DEPDC4: variants seen among roughly 807,000 people sequenced by gnomAD.
DEPDC4 encodes DEP domain-containing protein 4.
A neutral mutation model predicts 52.0 loss-of-function variants in DEPDC4; 52 were observed. The ratio of observed to expected loss-of-function variants is 1.00; its 90% CI spans 0.80 to 1.26. The LOEUF (loss-of-function observed/expected upper bound fraction) is 1.26, where lower values mean the gene tolerates loss of function less well. Among genes scored for constraint, DEPDC4 ranks in the 50% most tolerant of loss-of-function variants. The pLI, the probability that DEPDC4 is intolerant of heterozygous loss-of-function variation, is 0.00. For synonymous variants in DEPDC4, 201 were observed against 196.8 expected (o/e 1.02, Z -0.18); for missense variants, 530 against 546.9 (o/e 0.97, Z 0.31).
At chr12:100,244,138 C>CACAG (rs2096174672) in intron 8 of DEPDC4, among the ~76,000 whole-genome samples, 1 of 98,748 alleles carries the variant, frequency 1.0e-5, no homozygotes, top group African/African-American at 3.7e-5. Context: ...TATATATACA[C>CACAG]AAAATACAAT....
intron 3 of DEPDC4, among the ~76,000 whole-genome samples, chr12:100,259,079 A>ATATATATATATATATATAT (rs1407814890): frequency 5.0e-5 from 7 of 139,584 alleles, no homozygotes; most frequent in Non-Finnish European, 1.1e-4. Flanking sequence ...TCAAAAAAAA[A>ATATATATATATATATATAT]AAATATATAT....
At chr12:100,280,033 G>T in the DEPDC4 span, among the ~76,000 whole-genome samples, 2 of 152,150 alleles carry the variant, frequency 1.3e-5, no homozygotes, top group Non-Finnish European at 2.9e-5. Flanking sequence ...TTGGAATTCT[G>T]CTCTATGCTC....
chr12:100,272,209 A>C, the DEPDC4 span, among the ~76,000 whole-genome samples: 2 of 152,216 alleles, frequency 1.3e-5, no homozygotes, highest in African/African-American at 2.4e-5. Flanking sequence ...TACAATGAGA[A>C]ATGCCTTACA....
Position 100,252,317 on chromosome 12 carries a change from T to C in DEPDC4, c.1249-16A>G. 1.3e-6 allele frequency: 2 copies of C among 1,493,570 alleles called. No individual in the cohort carries two copies. Among genetic ancestry groups the C allele is most frequent in the East Asian group, 2.5e-5 (1 of 39,330 alleles). 92.5% of individuals were successfully genotyped at this position (1,493,570 alleles called of 1,614,324 possible). ...TATTATCATACTGTAAACAGAAAGATTAACATTAGCATAAATGGTTTTTAG... is the reference window on the plus strand; with the variant it reads ...TATTATCATACTGTAAACAGAAAGACTAACATTAGCATAAATGGTTTTTAG... On this transcript the variant is annotated splice_polypyrimidine_tract_variant and intron_variant, in intron 6 of 9. Coordinates refer to ENST00000550587, the MANE Select transcript of DEPDC4 (RefSeq NM_001364818.2).
At chr12:100,250,292 T>G (rs1043690165) in intron 7 of DEPDC4, among the ~76,000 whole-genome samples, 72 of 152,312 alleles carry the variant, frequency 4.7e-4, no homozygotes, top group African/African-American at 1.7e-3. Flanking sequence ...CTTGGCTCAC[T>G]GCAGCCTCCG....
chr12:100,263,752 A>G lies in DEPDC4; in HGVS notation c.299T>C (p.Val100Ala). Residue 100 changes from valine to alanine, a missense_variant, in exon 2 of 10, where the codon GTC becomes GCC. Physicochemically the swap from Val to Ala is moderately conservative, Grantham distance 64. Transcript: ENST00000550587. ...CGTGTTTTGCATAAGATGACTTAAG[A>G]CCACATCGACAGCATCAGAACCAGT... ...CFTGSDAVDV[V>A]LSHLMQNTCL... 2 of 1,614,176 alleles carry G rather than the reference A, an allele frequency of 1.2e-6. No individual in the cohort carries two copies. The highest frequency in any genetic ancestry group is 8.5e-7 in the Non-Finnish European group (1 of 1,180,026).
chr12:100,276,665 G>A, the DEPDC4 span, among the ~76,000 whole-genome samples: 4 of 152,134 alleles, frequency 2.6e-5, no homozygotes, highest in African/African-American at 7.2e-5. Flanking sequence ...TATAGCTAGA[G>A]TTTTACTGAT....
chr12:100,269,453 C>T (rs931507609), upstream of DEPDC4, among the ~76,000 whole-genome samples: 1 of 152,040 alleles, frequency 6.6e-6, no homozygotes, highest in Non-Finnish European at 1.5e-5. Context: ...TTTATTAATA[C>T]TTAATAAATT....
At chr12:100,244,095 GTATA>G (rs774444544) in intron 8 of DEPDC4, among the ~76,000 whole-genome samples, 1,772 of 51,520 alleles carry the variant, frequency 0.034, 51 homozygotes, top group Non-Finnish European at 0.048. Flanking sequence ...CTCTCTCTGT[GTATA>G]TATATATATA....
chr12:100,276,352 A>G, the DEPDC4 span, among the ~76,000 whole-genome samples: 1 of 151,968 alleles, frequency 6.6e-6, no homozygotes, highest in Non-Finnish European at 1.5e-5. Flanking sequence ...TATTTTTGAA[A>G]TAGGATCCCA....
At chr12:100,267,379 T>G (rs867371754), upstream of DEPDC4, 3 of 268,002 alleles carry the variant, frequency 1.1e-5, no homozygotes, top group South Asian at 7.6e-5. Context: ...GCACCGCCCC[T>G]CCTGGAAGAA....
In DEPDC4 at chr12:100,262,311, C is replaced by T. The variant is rs757922269; in HGVS notation, c.653G>A (p.Cys218Tyr). ...IHTINGNPAL[C>Y]PNITVQKPFL... is the part of the protein sequence containing the mutation. Reference sequence around the variant, plus strand: ...AGGTTTCTGAACTGTGATATTTGGACATAAAGCTGGATTCCCATTTATTGT... The same window carrying T: ...AGGTTTCTGAACTGTGATATTTGGATATAAAGCTGGATTCCCATTTATTGT... Residue 218 changes from cysteine (C) to tyrosine (Y), a missense_variant, in exon 3 of 10, where the codon TGT (cysteine) becomes TAT (tyrosine). Coordinates refer to ENST00000550587, the MANE Select transcript of DEPDC4 (RefSeq NM_001364818.2). 1.9e-6 allele frequency: 3 copies of T among 1,613,458 alleles called. No individual in the cohort carries two copies. The highest frequency in any genetic ancestry group is 1.7e-6 in the Non-Finnish European group (2 of 1,179,850).
intron 8 of DEPDC4, among the ~76,000 whole-genome samples, chr12:100,247,201 G>GTTTTTT (rs869121983): frequency 4.6e-4 from 33 of 71,696 alleles, no homozygotes; most frequent in African/African-American, 6.4e-4. Flanking sequence ...TCCCCTTAGT[G>GTTTTTT]TTTTTTTTTT....
At chr12:100,269,925 T>C (rs953938315), upstream of DEPDC4, among the ~76,000 whole-genome samples, 1 of 152,198 alleles carries the variant, frequency 6.6e-6, no homozygotes, top group Non-Finnish European at 1.5e-5. Context: ...TGAAAACCAC[T>C]GTCTTAGACA....
At chr12:100,232,585 G>A (rs141876396) in intron 9 of DEPDC4, among the ~76,000 whole-genome samples, 88 of 151,928 alleles carry the variant, frequency 5.8e-4, no homozygotes, top group Non-Finnish European at 9.9e-4. Flanking sequence ...GGGCCACTTT[G>A]AGAAACACTG....
chr12:100,275,205 T>A, the DEPDC4 span, among the ~76,000 whole-genome samples: 1 of 152,064 alleles, frequency 6.6e-6, no homozygotes, highest in Non-Finnish European at 1.5e-5. Flanking sequence ...AATTTCTTTT[T>A]TTTTTCTTTT....
intron 4 of DEPDC4, among the ~76,000 whole-genome samples, chr12:100,254,690 T>C (rs1196233646): frequency 6.6e-6 from 1 of 151,956 alleles, no homozygotes; most frequent in Non-Finnish European, 1.5e-5. Context: ...TCTCCTTTCC[T>C]TCCTTTCTTT....
downstream of DEPDC4, among the ~76,000 whole-genome samples, chr12:100,238,508 C>CTT (rs374449171): frequency 0.036 from 3,864 of 107,274 alleles, 367 homozygotes; most frequent in African/African-American, 0.13. Context: ...TAGCTTAGTG[C>CTT]TTTTTTTTTT....
chr12:100,249,759 T>A (rs1388930591), intron 7 of DEPDC4, among the ~76,000 whole-genome samples: 1 of 152,166 alleles, frequency 6.6e-6, no homozygotes, highest in Non-Finnish European at 1.5e-5. Flanking sequence ...TCTGTCATTC[T>A]ATAAAAACTG....
Sources: gnomAD v4.1 joint callset for allele counts (sites outside exome capture counted in the v4.1 genomes callset) on GRCh38, gnomAD v4.1.1 for gene constraint, MANE v1.5 for transcripts, NCBI Gene and HGNC (gene_info 2026-07-23, HGNC 2026-07-21) for gene names.